Variants in SNX13 observed in about 807,000 individuals in gnomAD.
SNX13 encodes sorting nexin 13.
SNX13 carries 45 observed loss-of-function variants against 133.6 expected under a neutral mutation model. That is an observed-to-expected ratio of 0.34 (90% CI 0.27 to 0.43). The LOEUF (loss-of-function observed/expected upper bound fraction) is 0.43, where lower values mean the gene tolerates loss of function less well. Ranked by LOEUF, SNX13 falls within the 20% of genes least tolerant of loss-of-function variation. The probability of loss-of-function intolerance (pLI) is 1.00; values close to 1 mark genes in which losing one functional copy is unlikely to be tolerated. For missense variants in SNX13, 1,032 were observed against 1,145.1 expected, an observed-to-expected ratio of 0.90 and a Z score of 1.43; for synonymous variants, 414 against 373.9, an observed-to-expected ratio of 1.11 and a Z score of -1.24.
At chr7:17,805,254 T>TGTGTGC (rs537620797) in intron 20 of SNX13, among the ~76,000 whole-genome samples, 3,059 of 132,374 alleles carry the variant, frequency 0.023, 83 homozygotes, top group East Asian at 0.09. Context: ...TGTGTGTGCG[T>TGTGTGC]GCGCGCGCGC....
chr7:17,840,053 G>A (rs1789692165), intron 12 of SNX13, 53 bp from the exon 13 acceptor site: 1 of 1,466,528 alleles, frequency 6.8e-7, no homozygotes, highest in African/African-American at 1.4e-5. Flanking sequence ...ACAATTTGGG[G>A]TCCATGTAGT....
chr7:17,816,392 T>A, intron 18 of SNX13, 103 bp from the exon 19 acceptor site: 1 of 1,360,042 alleles, frequency 7.4e-7, no homozygotes, highest in Non-Finnish European at 9.8e-7. Flanking sequence ...CCAGGTGCGG[T>A]GGCTCACGCC....
At chr7:17,924,899 T>A (rs1385525609) in intron 1 of SNX13, among the ~76,000 whole-genome samples, 1 of 152,072 alleles carries the variant, frequency 6.6e-6, no homozygotes, top group East Asian at 1.9e-4. Context: ...ACGCCACTCA[T>A]ATAACATGTT....
intron 5 of SNX13, chr7:17,882,386 C>G (rs1008362552): frequency 6.6e-6 from 1 of 152,108 alleles, no homozygotes; most frequent in African/African-American, 2.4e-5. Flanking sequence ...CAGCAATAGT[C>G]TGGTTGTACA....
At chr7:17,853,001 A>C (rs930822032) in intron 9 of SNX13, among the ~76,000 whole-genome samples, 2 of 152,232 alleles carry the variant, frequency 1.3e-5, no homozygotes, top group African/African-American at 4.8e-5. Context: ...AGCTAAGAGA[A>C]AAGATGTGAA....
intron 17 of SNX13, among the ~76,000 whole-genome samples, chr7:17,822,666 C>T (rs550816189): frequency 1.4e-4 from 21 of 152,198 alleles, no homozygotes; most frequent in South Asian, 1.2e-3. Flanking sequence ...CTTTCTGTTG[C>T]TATTAATTGC....
At chr7:17,888,552 C>T (rs1796267636) in intron 5 of SNX13, 1 of 366,982 alleles carries the variant, frequency 2.7e-6, no homozygotes, top group Non-Finnish European at 5.4e-6. Flanking sequence ...TTAGACTAAC[C>T]ACTTTACCTT....
intron 16 of SNX13, among the ~76,000 whole-genome samples, chr7:17,828,537 T>G (rs1487809018): frequency 6.6e-6 from 1 of 151,694 alleles, no homozygotes; most frequent in Non-Finnish European, 1.5e-5. Flanking sequence ...AATATCTCCT[T>G]TGTTTAGTAC....
chr7:17,873,151 G>A (rs762110160), intron 8 of SNX13, among the ~76,000 whole-genome samples: 1 of 152,200 alleles, frequency 6.6e-6, no homozygotes, highest in East Asian at 1.9e-4. Flanking sequence ...TTAGTGGGAG[G>A]TTTCCATGAA....
intron 25 of SNX13, chr7:17,795,760 G>A (rs528252012): frequency 6.6e-6 from 1 of 151,788 alleles, no homozygotes; most frequent in Non-Finnish European, 1.5e-5. Flanking sequence ...AGATAACTGA[G>A]TCAGTCCATA....
chr7:17,793,801 G>C lies in SNX13; in HGVS notation c.*244C>G, dbSNP rs1480115126. The C allele has an allele frequency of 2.7e-6, 1 of 365,072 alleles. No individual in the cohort carries two copies. The highest frequency in any genetic ancestry group is 5.2e-5 in the South Asian group (1 of 19,076). The allele number at this position is 365,072 out of a possible 1,614,324, so 22.6% of individuals were successfully genotyped here. On this transcript the variant is annotated 3_prime_UTR_variant, in exon 26 of 26. Transcript: ENST00000428135. ...ACCAACGCCATTCTTGCTTGAGATG[G>C]GGGCAGTTTTCTCTCAATGTTGCAA...
chr7:17,801,459 A>C lies in SNX13; in HGVS notation c.2298+129T>G, dbSNP rs61065203. ...AATTACATGGGCATGTTCAGTTTGTAAGAATTCATCAAGCTTAACACTTAT... is the reference window on the plus strand; with the variant it reads ...AATTACATGGGCATGTTCAGTTTGTCAGAATTCATCAAGCTTAACACTTAT... On this transcript the variant is annotated intron_variant, in intron 22 of 25. Transcript: ENST00000428135. The C allele has an allele frequency of 1.7e-3, 1,125 of 677,186 alleles. 12 individuals are homozygous for C. The African/African-American group carries it at 0.019, about 12-fold the overall frequency. 41.9% of individuals were successfully genotyped at this position (677,186 alleles called of 1,614,324 possible). A position where few individuals can be genotyped will look rare whatever the true frequency, so the allele number is the denominator to read the frequency against.
chr7:17,838,422 G>C (rs1001705322), intron 13 of SNX13, among the ~76,000 whole-genome samples: 2 of 151,886 alleles, frequency 1.3e-5, no homozygotes, highest in African/African-American at 4.8e-5. Flanking sequence ...GATATTTTCA[G>C]AGAACCAACT....
rs894919328 is a variant in SNX13, at chr7:17,791,535, A to C, written c.*2510T>G. On this transcript the variant is annotated 3_prime_UTR_variant, in exon 26 of 26. Coordinates refer to ENST00000428135, the MANE Select transcript of SNX13 (RefSeq NM_015132.5). The stretch of plus-strand genomic sequence containing the variant: ...TACAATCAATTTTTTAAGGTGAATA[A>C]ACTATGATGGTTTCTAAATAGTGTA... The C allele has an allele frequency of 6.6e-6, 1 of 152,040 alleles. No individual in the cohort carries two copies. Among genetic ancestry groups the C allele is most frequent in the African/African-American group, 2.4e-5 (1 of 41,438 alleles). 9.4% of individuals were successfully genotyped at this position (152,040 alleles called of 1,614,324 possible).
At chr7:17,831,968 T>C (rs1788540100) in intron 15 of SNX13, 8 of 984,024 alleles carry the variant, frequency 8.1e-6, no homozygotes, top group Non-Finnish European at 9.7e-6. Flanking sequence ...ATATACTTTT[T>C]TTGAATGGTT....
At chr7:17,934,079 A>G (rs190612628) in intron 1 of SNX13, among the ~76,000 whole-genome samples, 13 of 152,332 alleles carry the variant, frequency 8.5e-5, no homozygotes, top group Admixed American at 2.0e-4. Flanking sequence ...GTTGATAGAC[A>G]CAGTATTTAT....
chr7:17,797,104 T>C (rs997474310), intron 24 of SNX13, among the ~76,000 whole-genome samples, 165 bp from the exon 25 acceptor site: 1 of 151,696 alleles, frequency 6.6e-6, no homozygotes, highest in Admixed American at 6.6e-5. Context: ...ATCAACTAAG[T>C]GTAGGGTTCA....
chr7:17,938,585 G>T (rs192295760), intron 1 of SNX13, among the ~76,000 whole-genome samples: 1 of 152,224 alleles, frequency 6.6e-6, no homozygotes, highest in African/African-American at 2.4e-5. Flanking sequence ...CACACAAAAA[G>T]TACTAAAGTA....
At chr7:17,876,549 G>A (rs115316515) in intron 5 of SNX13, among the ~76,000 whole-genome samples, 2,098 of 137,918 alleles carry the variant, frequency 0.015, 55 homozygotes, top group African/African-American at 0.056. Context: ...CACTGCATTC[G>A]AGCCTGGGAA....
Sources: gnomAD v4.1 joint callset for allele counts (sites outside exome capture counted in the v4.1 genomes callset) on GRCh38, gnomAD v4.1.1 for gene constraint, MANE v1.5 for transcripts, NCBI Gene and HGNC (gene_info 2026-07-23, HGNC 2026-07-21) for gene names.